Variants in TMEM11 observed in about 807,000 individuals in gnomAD.
TMEM11 encodes the protein transmembrane protein 11, mitochondrial.
A neutral mutation model predicts 17.0 loss-of-function variants in TMEM11; 1 was observed. The observed-to-expected ratio is 0.06, with a 90% CI of 0.02 to 0.28. TMEM11 has a LOEUF of 0.28. Among genes scored for constraint, TMEM11 ranks in the 10% least tolerant of loss-of-function variants. The pLI, the probability that TMEM11 is intolerant of heterozygous loss-of-function variation, is 1.00. For synonymous variants in TMEM11, 122 were observed against 118.1 expected (o/e 1.03, Z -0.21); for missense variants, 172 against 252.9 (o/e 0.68, Z 2.17).
intron 1 of TMEM11, among the ~76,000 whole-genome samples, chr17:21,208,214 A>C (rs773660805): frequency 6.7e-6 from 1 of 150,250 alleles, no homozygotes; most frequent in Non-Finnish European, 1.5e-5. Flanking sequence ...GGATGGTCTC[A>C]ATCTCCTGAC....
Position 21,198,325 on chromosome 17 carries a change from C to G in TMEM11, c.578G>C (p.Ter193SerextTer3). ...VKKIYELYAV[*>S] ...GCTTCGCTCCCTGTTCTACTGAAAT[C>G]ATACGGCATAGAGTTCGTAAATCTT... is the stretch of plus-strand genomic sequence containing the variant. The change falls in exon 2 of 2, where the codon TGA (stop) becomes TCA (serine). Residue 193 changes from the stop codon to serine, a stop_lost. Coordinates refer to ENST00000317635, the MANE Select transcript of TMEM11 (RefSeq NM_003876.3). This position sits in a 1 kb window ranked among gnomAD's most constrained non-coding sequence, Gnocchi z 6.5. 6.2e-7 allele frequency: 1 copy of G among 1,607,548 alleles called. No homozygotes were observed. Among genetic ancestry groups the G allele is most frequent in the Non-Finnish European group, 8.5e-7 (1 of 1,174,734 alleles).
At chr17:21,203,060 G>C (rs540173403) in intron 1 of TMEM11, among the ~76,000 whole-genome samples, 2 of 152,360 alleles carry the variant, frequency 1.3e-5, no homozygotes, top group East Asian at 3.9e-4. Context: ...ACGGCGCTGA[G>C]GCCAGAGGCT....
At chr17:21,208,375 G>C (rs370500821) in intron 1 of TMEM11, 1 of 151,758 alleles carries the variant, frequency 6.6e-6, no homozygotes, top group Non-Finnish European at 1.5e-5. Flanking sequence ...ATCCCTTGAG[G>C]TAAAGGGACC....
rs1049882575 is a variant in TMEM11, at chr17:21,210,891, C to T, written c.62+3200G>A. ...CAGAAGCAGATCAAGTACATCTTCACGTGATTATAAAAACAGGAACTCAAG... is the reference window on the plus strand; with the variant it reads ...CAGAAGCAGATCAAGTACATCTTCATGTGATTATAAAAACAGGAACTCAAG... On this transcript the variant is annotated intron_variant, in intron 1 of 1. Transcript: ENST00000317635. 50 of 1,242,100 alleles carry T rather than the reference C, an allele frequency of 4.0e-5. 1 individual carries two copies. In the Admixed American group the frequency reaches 1.2e-3, roughly 29 times the overall value. 76.9% of individuals were successfully genotyped at this position (1,242,100 alleles called of 1,614,324 possible).
chr17:21,203,568 G>A (rs932912842), intron 1 of TMEM11, among the ~76,000 whole-genome samples: 6 of 152,114 alleles, frequency 3.9e-5, no homozygotes, highest in Non-Finnish European at 8.8e-5. Context: ...TTAGCCAGGC[G>A]CGGTGCTGCA....
intron 1 of TMEM11, among the ~76,000 whole-genome samples, chr17:21,210,020 G>A (rs1251021616): frequency 6.6e-6 from 1 of 152,154 alleles, no homozygotes. Context: ...CTCGGTCATG[G>A]AGTGCTGCCC....
chr17:21,213,088 G>C (rs1333323951), intron 1 of TMEM11: 1 of 152,252 alleles, frequency 6.6e-6, no homozygotes, highest in African/African-American at 2.4e-5. Context: ...ATCAGTCACA[G>C]AAAAGGAATA....
chr17:21,204,693 T>C (rs1974923716), intron 1 of TMEM11, among the ~76,000 whole-genome samples: 1 of 152,112 alleles, frequency 6.6e-6, no homozygotes, highest in Admixed American at 6.6e-5. Context: ...AGGGAGGCTC[T>C]TTCTAGTAAA....
chr17:21,206,684 G>A (rs955093524), intron 1 of TMEM11, among the ~76,000 whole-genome samples: 29 of 151,972 alleles, frequency 1.9e-4, no homozygotes, highest in African/African-American at 6.8e-4. Flanking sequence ...TTACAGGCAC[G>A]TGCCACAACG....
intron 1 of TMEM11, among the ~76,000 whole-genome samples, chr17:21,203,204 G>T (rs1049913762): frequency 6.6e-6 from 1 of 152,196 alleles, no homozygotes; most frequent in Admixed American, 6.5e-5. Context: ...AGACGGTAAG[G>T]TTCAAACCAA....
intron 1 of TMEM11, among the ~76,000 whole-genome samples, chr17:21,199,461 G>A (rs1276593171): frequency 6.6e-6 from 1 of 152,134 alleles, no homozygotes; most frequent in Non-Finnish European, 1.5e-5. Flanking sequence ...AGCCTAAAGG[G>A]GAAAGAACGA....
intron 1 of TMEM11, among the ~76,000 whole-genome samples, chr17:21,212,189 A>T (rs1412320099): frequency 6.6e-6 from 1 of 152,062 alleles, no homozygotes; most frequent in East Asian, 1.9e-4. Context: ...ATACCACGTT[A>T]TCTAGGAGAG....
At chr17:21,213,736 G>C (rs1975028840) in intron 1 of TMEM11, 1 of 273,310 alleles carries the variant, frequency 3.7e-6, no homozygotes, top group Admixed American at 5.2e-5. Flanking sequence ...GTGCCCAGGC[G>C]GGAAGGGTGC....
At chr17:21,209,424 C>T (rs1429422215) in intron 1 of TMEM11, among the ~76,000 whole-genome samples, 1 of 152,184 alleles carries the variant, frequency 6.6e-6, no homozygotes, top group Non-Finnish European at 1.5e-5. Context: ...CTGCCTAAGA[C>T]ACATGTGGCT....
intron 1 of TMEM11, among the ~76,000 whole-genome samples, chr17:21,209,700 C>T (rs575465036): frequency 4.2e-4 from 64 of 152,178 alleles, no homozygotes; most frequent in African/African-American, 1.5e-3. Flanking sequence ...GCCAGGGAGA[C>T]GGAGGTTGCA....
intron 1 of TMEM11, chr17:21,213,706 C>A: frequency 4.3e-6 from 1 of 232,734 alleles, no homozygotes; most frequent in South Asian, 6.4e-5. Flanking sequence ...TCTGGGGCCG[C>A]GGCCGAGATG....
chr17:21,214,113 T>C lies in TMEM11; in HGVS notation c.40A>G (p.Ser14Gly). 6.2e-7 allele frequency: 1 copy of C among 1,611,870 alleles called. No homozygotes were observed. The change falls in exon 1 of 2, where the codon AGT (serine) becomes GGT (glycine). Residue 14 changes from serine (S) to glycine (G), a missense_variant. Transcript: ENST00000317635. ...WGRRRLGPGS[S>G]GGSARERVSL... ...CACCTCTCTCGGGCGCTGCCGCCAC[T>C]GCTGCCCGGGCCAAGACGCCTCCTT...
intron 1 of TMEM11, among the ~76,000 whole-genome samples, chr17:21,207,080 G>T (rs145155433): frequency 6.6e-6 from 1 of 152,254 alleles, no homozygotes; most frequent in East Asian, 1.9e-4. Context: ...CCAATTCTGG[G>T]TATTTCATTT....
chr17:21,205,249 C>T (rs1298273871), intron 1 of TMEM11, among the ~76,000 whole-genome samples: 1 of 152,152 alleles, frequency 6.6e-6, no homozygotes, highest in Non-Finnish European at 1.5e-5. Context: ...CAGAGCAGAA[C>T]TGTTCGGTGA....
Sources: gnomAD v4.1 joint callset for allele counts (sites outside exome capture counted in the v4.1 genomes callset) on GRCh38, gnomAD v4.1.1 for gene constraint, Gnocchi (gnomAD v3.1) non-coding constraint, MANE v1.5 for transcripts, NCBI Gene and HGNC (gene_info 2026-07-23, HGNC 2026-07-21) for gene names.